The following BAZ1B variants were observed in gnomAD, a reference collection of about 807,000 sequenced individuals.
BAZ1B encodes the protein bromodomain adjacent to zinc finger domain 1B.
A neutral mutation model predicts 153.8 loss-of-function variants in BAZ1B; 22 were observed. The observed-to-expected ratio is 0.14, with a 90% CI of 0.10 to 0.20. The LOEUF is 0.20. Among genes scored for constraint, BAZ1B ranks in the 10% least tolerant of loss-of-function variants. The pLI is 1.00. For synonymous variants in BAZ1B, 676 were observed against 633.4 expected, an observed-to-expected ratio of 1.07 and a Z score of -1.01; for missense variants, 1,325 against 1,799.3, an observed-to-expected ratio of 0.74 and a Z score of 4.77.
chr7:73,447,472 T>C, intron 15 of BAZ1B, 93 bp from the exon 16 acceptor site: 1 of 1,401,112 alleles, frequency 7.1e-7, no homozygotes, highest in Non-Finnish European at 9.7e-7. Context: ...GAAACTTCTC[T>C]TCACAGACTA....
intron 2 of BAZ1B, 151 bp from the exon 3 acceptor site, chr7:73,508,622 T>C (rs782783366): frequency 1.1e-5 from 10 of 876,320 alleles, no homozygotes; most frequent in African/African-American, 6.8e-5. Flanking sequence ...GGCACAATCA[T>C]AGCTCACTAG....
At chr7:73,441,946 G>A (rs570418978) in intron 19 of BAZ1B, 351 of 513,312 alleles carry the variant, frequency 6.8e-4, no homozygotes, top group African/African-American at 6.2e-3. Flanking sequence ...CTAGACCCTC[G>A]GACTCCTCCT....
chr7:73,509,612 G>GT (rs1790492830), intron 2 of BAZ1B, among the ~76,000 whole-genome samples: 2 of 151,528 alleles, frequency 1.3e-5, no homozygotes, highest in Admixed American at 1.3e-4. Context: ...TTCCAGCTAC[G>GT]TAAGAGGCTG....
chr7:73,460,724 G>A (rs782142746), intron 12 of BAZ1B, among the ~76,000 whole-genome samples: 3 of 152,242 alleles, frequency 2.0e-5, no homozygotes, highest in East Asian at 1.9e-4. Context: ...GGCCTGAAGC[G>A]ATCCTCCTGC....
At chr7:73,491,709 G>A (rs1051083579) in intron 5 of BAZ1B, among the ~76,000 whole-genome samples, 10 of 152,112 alleles carry the variant, frequency 6.6e-5, no homozygotes, top group Non-Finnish European at 1.5e-4. Context: ...AGCATTCTGA[G>A]GCAGGAACAA....
At position 73,450,758 on chromosome 7, in the gene BAZ1B, C is replaced by T; in HGVS notation, c.3580+89G>A. On this transcript the variant is annotated intron_variant, in intron 14 of 19. Transcript: ENST00000339594. The surrounding 1 kb of genome is among the most constrained non-coding windows in gnomAD (Gnocchi z 4.1). ...ATACCACACTTATATTCTGTGTACA[C>T]AAAATTCTTTTGGGTAGAAATGAAG... 2 of 1,485,652 alleles carry T rather than the reference C, an allele frequency of 1.3e-6. No individual in the cohort carries two copies. Among genetic ancestry groups the T allele is most frequent in the Non-Finnish European group, 1.9e-6 (2 of 1,079,632 alleles). 92.0% of individuals were successfully genotyped at this position (1,485,652 alleles called of 1,614,324 possible). A position where few individuals can be genotyped will look rare whatever the true frequency, so the allele number is the denominator to read the frequency against.
intron 13 of BAZ1B, among the ~76,000 whole-genome samples, chr7:73,452,064 T>C (rs1292178137): frequency 6.6e-6 from 1 of 152,242 alleles, no homozygotes; most frequent in Non-Finnish European, 1.5e-5. Flanking sequence ...CTATGAATTA[T>C]AAAATCTGAG....
chr7:73,481,075 C>T (rs571604107), intron 6 of BAZ1B, among the ~76,000 whole-genome samples: 5 of 152,114 alleles, frequency 3.3e-5, no homozygotes, highest in East Asian at 2.0e-4. Context: ...TACAGGTGTG[C>T]GCCACCATAC....
chr7:73,455,932 C>T (rs559967784), intron 13 of BAZ1B, among the ~76,000 whole-genome samples: 25 of 152,078 alleles, frequency 1.6e-4, no homozygotes, highest in Admixed American at 5.2e-4. Flanking sequence ...TTAATAAATC[C>T]AACAAATCTT....
intron 9 of BAZ1B, among the ~76,000 whole-genome samples, chr7:73,468,363 C>T (rs1788671564): frequency 6.6e-6 from 1 of 151,774 alleles, no homozygotes; most frequent in African/African-American, 2.4e-5. Context: ...CTATAATGCA[C>T]AGGACAGCTC....
At chr7:73,469,917 G>T (rs930822385) in intron 8 of BAZ1B, among the ~76,000 whole-genome samples, 3 of 151,954 alleles carry the variant, frequency 2.0e-5, no homozygotes, top group Non-Finnish European at 4.4e-5. Context: ...TATGTTGGCC[G>T]GGCTGGTCTT....
chr7:73,504,621 G>A (rs782549913), intron 3 of BAZ1B, among the ~76,000 whole-genome samples: 16 of 151,780 alleles, frequency 1.1e-4, no homozygotes, highest in Non-Finnish European at 1.9e-4. Context: ...CCGAGATCGC[G>A]CCACCGGACT....
intron 3 of BAZ1B, among the ~76,000 whole-genome samples, chr7:73,505,818 T>C (rs1479454022): frequency 6.6e-6 from 1 of 152,180 alleles, no homozygotes; most frequent in East Asian, 1.9e-4. Flanking sequence ...CCCAAAGTGC[T>C]GGTACTACAG....
At chr7:73,471,569 C>A (rs1788804241) in intron 7 of BAZ1B, among the ~76,000 whole-genome samples, 1 of 152,060 alleles carries the variant, frequency 6.6e-6, no homozygotes, top group Non-Finnish European at 1.5e-5. Context: ...AAGCTGGTCT[C>A]AAACTTCTGG....
chr7:73,493,154 G>A (rs1789720496), intron 4 of BAZ1B, among the ~76,000 whole-genome samples: 2 of 152,110 alleles, frequency 1.3e-5, no homozygotes, highest in African/African-American at 2.4e-5. Flanking sequence ...TGTAATAGAA[G>A]TTGGTAAAGA....
intron 15 of BAZ1B, among the ~76,000 whole-genome samples, chr7:73,448,943 C>T (rs1049422348): frequency 6.6e-5 from 10 of 152,038 alleles, no homozygotes; most frequent in Middle Eastern, 3.4e-3. Flanking sequence ...GGGGAGAAGA[C>T]GTGATATAAG....
At chr7:73,509,760 G>C (rs1347833560) in intron 2 of BAZ1B, among the ~76,000 whole-genome samples, 5 of 151,256 alleles carry the variant, frequency 3.3e-5, no homozygotes, top group Non-Finnish European at 7.4e-5. Context: ...TTGAACACCA[G>C]AGCTGTTGCA....
intron 6 of BAZ1B, among the ~76,000 whole-genome samples, chr7:73,485,504 T>C (rs1391190677): frequency 6.6e-6 from 1 of 151,698 alleles, no homozygotes; most frequent in African/African-American, 2.4e-5. Context: ...TGAGCACCGG[T>C]AATCCTAGCT....
At chr7:73,504,468 C>G (rs1199354754) in intron 3 of BAZ1B, among the ~76,000 whole-genome samples, 1 of 152,014 alleles carries the variant, frequency 6.6e-6, no homozygotes, top group Non-Finnish European at 1.5e-5. Context: ...TCGAGACCAT[C>G]CTGGCTAATA....
Sources: allele counts gnomAD v4.1 joint callset (sites outside exome capture counted in the v4.1 genomes callset), GRCh38; gene constraint gnomAD v4.1.1; non-coding constraint Gnocchi (gnomAD v3.1); transcripts MANE v1.5; gene names NCBI Gene and HGNC (gene_info 2026-07-23, HGNC 2026-07-21).